Variants in RNF128 observed in about 807,000 individuals in gnomAD.
The protein encoded by RNF128 is E3 ubiquitin-protein ligase RNF128.
In RNF128, 13 loss-of-function variants were observed where a neutral mutation model predicts 26.2. That is an observed-to-expected ratio of 0.50 (90% CI 0.32 to 0.79). The LOEUF (loss-of-function observed/expected upper bound fraction) is 0.79. Ranked by LOEUF, RNF128 falls within the 30% of genes least tolerant of loss-of-function variation. The pLI is 0.03. For missense variants in RNF128, 315 were observed against 349.7 expected (o/e 0.90, Z 0.79); for synonymous variants, 149 against 142.5 (o/e 1.05, Z -0.32).
intron 3 of RNF128, among the ~76,000 whole-genome samples, chrX:106,787,501 T>C (rs1930678035): frequency 9.0e-6 from 1 of 111,038 alleles, no homozygotes; most frequent in Non-Finnish European, 1.9e-5. Flanking sequence ...CTATTCTATA[T>C]CTTGATTGTG....
chrX:106,720,430 T>C (rs907027377), intron 1 of RNF128, among the ~76,000 whole-genome samples: 2 of 111,143 alleles, frequency 1.8e-5, no homozygotes, highest in Admixed American at 1.9e-4. Context: ...CCCAGGCTGG[T>C]CTCAAACTCC....
At chrX:106,756,400 T>C (rs768156257) in intron 1 of RNF128, among the ~76,000 whole-genome samples, 2 of 109,671 alleles carry the variant, frequency 1.8e-5, no homozygotes, top group East Asian at 5.6e-4. Context: ...TATAGATCAA[T>C]GGAACAGAAC....
intron 1 of RNF128, among the ~76,000 whole-genome samples, chrX:106,757,398 GC>G (rs1296207385): frequency 1.2e-5 from 1 of 81,396 alleles, no homozygotes; most frequent in African/African-American, 4.6e-5. Context: ...GGAATACTAT[GC>G]AGCCATAAAA....
intron 4 of RNF128, among the ~76,000 whole-genome samples, chrX:106,788,862 ATATT>A (rs1211988954): frequency 1.3e-5 from 1 of 76,752 alleles, no homozygotes; most frequent in Non-Finnish European, 2.3e-5. Flanking sequence ...TATATATTAT[ATATT>A]ATATAATGTA....
intron 2 of RNF128, among the ~76,000 whole-genome samples, chrX:106,782,246 C>T (rs1049012196): frequency 4.4e-5 from 5 of 112,398 alleles, no homozygotes; most frequent in African/African-American, 1.3e-4. Flanking sequence ...AAGAGCAAAA[C>T]GATTGTGAAA....
At chrX:106,714,653 T>C (rs901195014) in intron 1 of RNF128, among the ~76,000 whole-genome samples, 1 of 111,886 alleles carries the variant, frequency 8.9e-6, no homozygotes, top group Middle Eastern at 4.2e-3. Flanking sequence ...TTCAGAACGA[T>C]TCCATTGCAA....
intron 1 of RNF128, among the ~76,000 whole-genome samples, chrX:106,759,485 G>A (rs966363446): frequency 4.5e-5 from 5 of 111,567 alleles, no homozygotes; most frequent in African/African-American, 1.3e-4. Flanking sequence ...CTACACCCCC[G>A]TGTTTATTGC....
chrX:106,720,267 C>G (rs1222458472), intron 1 of RNF128, among the ~76,000 whole-genome samples: 1 of 111,499 alleles, frequency 9.0e-6, no homozygotes, highest in Admixed American at 9.6e-5. Flanking sequence ...CCTCCCTAAA[C>G]TCAAGATAGC....
intron 1 of RNF128, among the ~76,000 whole-genome samples, chrX:106,755,247 G>A (rs1008170840): frequency 1.8e-5 from 2 of 111,588 alleles, no homozygotes; most frequent in African/African-American, 6.5e-5. Context: ...AACAAGTAAT[G>A]AGAAGAAAGC....
intron 1 of RNF128, among the ~76,000 whole-genome samples, chrX:106,728,209 A>G (rs1048797228): frequency 9.0e-6 from 1 of 111,584 alleles, no homozygotes; most frequent in African/African-American, 3.3e-5. Flanking sequence ...CCTTATGTAT[A>G]TAGTTATCCT....
chrX:106,759,176 T>A (rs969871658), intron 1 of RNF128, among the ~76,000 whole-genome samples: 1 of 111,833 alleles, frequency 8.9e-6, no homozygotes, highest in African/African-American at 3.2e-5. Flanking sequence ...AACAGGTATA[T>A]GAAAAGATGC....
At chrX:106,696,867 A>G (rs1257598697) in intron 1 of RNF128, among the ~76,000 whole-genome samples, 4 of 112,048 alleles carry the variant, frequency 3.6e-5, no homozygotes, top group African/African-American at 1.3e-4. Context: ...AGCACACACC[A>G]TGGAAAACCA....
intron 1 of RNF128, among the ~76,000 whole-genome samples, chrX:106,738,280 C>T (rs5962736): frequency 0.18 from 19,658 of 110,846 alleles, 4,326 homozygotes; most frequent in African/African-American, 0.62. Flanking sequence ...CTACATTTTC[C>T]ATGATATTAT....
chrX:106,715,249 G>A (rs901075268), intron 1 of RNF128, among the ~76,000 whole-genome samples: 5 of 111,857 alleles, frequency 4.5e-5, no homozygotes, highest in African/African-American at 1.6e-4. Context: ...ATTCTGGTAG[G>A]TATGCAGTGA....
intron 1 of RNF128, among the ~76,000 whole-genome samples, chrX:106,745,509 G>T (rs892513307): frequency 1.8e-5 from 2 of 111,749 alleles, no homozygotes; most frequent in Non-Finnish European, 3.8e-5. Context: ...AGAAAGAAAA[G>T]AAATTTGGGG....
rs1930922184 is a variant in RNF128, at chrX:106,796,558, T to C, written c.*845T>C. On this transcript the variant is annotated 3_prime_UTR_variant, in exon 7 of 7. Coordinates refer to ENST00000255499, the MANE Select transcript of RNF128 (RefSeq NM_194463.2). ...GAAAAAAAATGTTCTGTAAAATTAG[T>C]CTGTTGAAAATGTTTTCCAAACAAT... 1 of 112,317 alleles carries C rather than the reference T, an allele frequency of 8.9e-6. No homozygotes were observed. The highest frequency in any genetic ancestry group is 1.9e-5 in the Non-Finnish European group (1 of 53,123). The allele number at this position is 112,317 out of a possible 1,213,427, so 9.3% of individuals were successfully genotyped here.
intron 1 of RNF128, among the ~76,000 whole-genome samples, chrX:106,754,039 T>C (rs1454330597): frequency 9.0e-6 from 1 of 111,162 alleles, no homozygotes; most frequent in Non-Finnish European, 1.9e-5. Context: ...ATTGGACAGA[T>C]CATCCGGACA....
rs1022580963 is a variant in RNF128, at chrX:106,756,552, G to A, written c.485-16361G>A. 2.7e-5 allele frequency among the ~76,000 whole-genome samples: 3 copies of A among 109,613 alleles called. No homozygotes were observed. The Admixed American group carries it at 2.9e-4, about 11-fold the overall frequency. ...TAGCCATATGTAGAAAGCTGAAACC[G>A]GATCCCTTCCTTACACCTTATACAA... On this transcript the variant is annotated intron_variant, in intron 1 of 6. Transcript: ENST00000255499.
At chrX:106,765,869 G>GC (rs1930218976) in intron 1 of RNF128, among the ~76,000 whole-genome samples, 1 of 52,708 alleles carries the variant, frequency 1.9e-5, no homozygotes, top group African/African-American at 7.4e-5. Flanking sequence ...ATCCCCCCCA[G>GC]CCCCCCACCC....
Sources: allele counts gnomAD v4.1 joint callset (sites outside exome capture counted in the v4.1 genomes callset), GRCh38; gene constraint gnomAD v4.1.1; transcripts MANE v1.5; gene names NCBI Gene and HGNC (gene_info 2026-07-23, HGNC 2026-07-21).